RNF41: variants seen among roughly 807,000 people sequenced by gnomAD.
RNF41 encodes the protein ring finger protein 41.
In RNF41, 4 loss-of-function variants were observed where a neutral mutation model predicts 33.0. The ratio of observed to expected loss-of-function variants is 0.12; its 90% CI spans 0.06 to 0.28. The LOEUF is 0.28. Among genes scored for constraint, RNF41 ranks in the 10% least tolerant of loss-of-function variants. The probability of loss-of-function intolerance (pLI) is 1.00; values close to 1 mark genes in which losing one functional copy is unlikely to be tolerated. For missense variants in RNF41, 228 were observed against 432.6 expected (o/e 0.53, Z 4.19); for synonymous variants, 164 against 153.2 (o/e 1.07, Z -0.52).
At chr12:56,211,570 A>G (rs1395728597) in intron 3 of RNF41, among the ~76,000 whole-genome samples, 2 of 152,154 alleles carry the variant, frequency 1.3e-5, no homozygotes, top group African/African-American at 4.8e-5. Flanking sequence ...GGCTAGCTCA[A>G]TCACGGCAGG....
chr12:56,220,159 A>C (rs1869254160), intron 1 of RNF41, among the ~76,000 whole-genome samples: 1 of 152,104 alleles, frequency 6.6e-6, no homozygotes, highest in African/African-American at 2.4e-5. Flanking sequence ...TAATCCTAGC[A>C]CTTTGGGAAG....
At chr12:56,220,018 AAAATAAATAAATAAAT>A (rs60851148) in intron 1 of RNF41, among the ~76,000 whole-genome samples, 11 of 139,298 alleles carry the variant, frequency 7.9e-5, no homozygotes, top group East Asian at 2.2e-4. Flanking sequence ...CCCTGTCTCA[AAAATAAATAAATAAAT>A]AAATAAATAA....
At position 56,206,556 on chromosome 12, in the gene RNF41, C is replaced by T; in HGVS notation, c.845G>A (p.Gly282Asp). 1 of 1,614,208 alleles carries T rather than the reference C, an allele frequency of 6.2e-7. No homozygotes were observed. Among genetic ancestry groups the T allele is most frequent in the African/African-American group, 1.3e-5 (1 of 75,044 alleles). The stretch of plus-strand genomic sequence containing the variant: ...GGCCATCACGACAACAGCCTGCTTG[C>T]CAGGGATGCGCTTGGCCACGTAGTT... ...YENYVAKRIP[G>D]KQAVVVMACE... Residue 282 changes from glycine to aspartate, a missense_variant, in exon 7 of 7, where the codon GGC becomes GAC. Physicochemically the swap from Gly to Asp is moderately conservative, Grantham distance 94. Coordinates refer to ENST00000345093, the MANE Select transcript of RNF41 (RefSeq NM_005785.4). This position sits in a 1 kb window ranked among gnomAD's most constrained non-coding sequence, Gnocchi z 5.7.
intron 1 of RNF41, among the ~76,000 whole-genome samples, chr12:56,218,758 C>CA (rs1869108317): frequency 1.3e-5 from 2 of 150,806 alleles, no homozygotes; most frequent in South Asian, 4.2e-4. Flanking sequence ...GGCTGGAGTA[C>CA]AGTGGCACGA....
At chr12:56,214,704 C>T (rs1868739432) in intron 2 of RNF41, among the ~76,000 whole-genome samples, 1 of 151,576 alleles carries the variant, frequency 6.6e-6, no homozygotes, top group Non-Finnish European at 1.5e-5. Context: ...TGATGCACAT[C>T]TGTAATCCCA....
chr12:56,219,980 G>A (rs1467403195), intron 1 of RNF41, among the ~76,000 whole-genome samples: 3 of 151,120 alleles, frequency 2.0e-5, no homozygotes, highest in South Asian at 2.1e-4. Context: ...TCGCAGCACC[G>A]CACTCCGGCC....
intron 1 of RNF41, among the ~76,000 whole-genome samples, chr12:56,218,695 TTATATATA>T (rs746125373): frequency 6.7e-6 from 1 of 148,226 alleles, no homozygotes; most frequent in Non-Finnish European, 1.5e-5. Context: ...TACATATTTA[TTATATATA>T]TATATGTTAT....
intron 3 of RNF41, among the ~76,000 whole-genome samples, chr12:56,210,826 A>T (rs546072297): frequency 6.6e-6 from 1 of 152,128 alleles, no homozygotes; most frequent in African/African-American, 2.4e-5. Flanking sequence ...ACACTGCTTG[A>T]CCTCAGGAGT....
Position 56,202,746 on chromosome 12 carries a change from C to T in RNF41, c.*3701G>A, listed in dbSNP as rs1878643796. The T allele has an allele frequency of 6.6e-6, 1 of 152,200 alleles. No homozygotes were observed. Among genetic ancestry groups the T allele is most frequent in the African/African-American group, 2.4e-5 (1 of 41,456 alleles). 9.4% of individuals were successfully genotyped at this position (152,200 alleles called of 1,614,324 possible). On this transcript the variant is annotated 3_prime_UTR_variant, in exon 7 of 7. Coordinates refer to ENST00000345093, the MANE Select transcript of RNF41 (RefSeq NM_005785.4). The stretch of plus-strand genomic sequence containing the variant: ...TCTCCATTAGGGACTAAGTTCTTTG[C>T]AGGTAGGTGCCATTTTGCTACATAA...
chr12:56,206,281 G>C lies in RNF41; in HGVS notation c.*166C>G. 1 of 650,108 alleles carries C rather than the reference G, an allele frequency of 1.5e-6. No homozygotes were observed. Among genetic ancestry groups the C allele is most frequent in the Non-Finnish European group, 2.7e-6 (1 of 374,726 alleles). 40.3% of individuals were successfully genotyped at this position (650,108 alleles called of 1,614,324 possible). A position where few individuals can be genotyped will look rare whatever the true frequency, so the allele number is the denominator to read the frequency against. On this transcript the variant is annotated 3_prime_UTR_variant, in exon 7 of 7. Transcript: ENST00000345093. This position sits in a 1 kb window ranked among gnomAD's most constrained non-coding sequence, Gnocchi z 5.7. Reference sequence around the variant, plus strand: ...GGAAATCTGGGTTTCCCACCTGAAAGGCTGAGCAAACTACCCCAAGGCCCT... The same window carrying C: ...GGAAATCTGGGTTTCCCACCTGAAACGCTGAGCAAACTACCCCAAGGCCCT...
At chr12:56,221,941 A>G (rs1362569990), upstream of RNF41, 1 of 152,296 alleles carries the variant, frequency 6.6e-6, no homozygotes, top group Non-Finnish European at 1.5e-5. Flanking sequence ...TGCCCCGCCC[A>G]CCGCTGCTAC....
chr12:56,211,875 G>A (rs1421922199), intron 3 of RNF41, among the ~76,000 whole-genome samples: 2 of 152,328 alleles, frequency 1.3e-5, no homozygotes, highest in Non-Finnish European at 2.9e-5. Flanking sequence ...AGGAGGCTGA[G>A]GCAGAAGAAT....
At chr12:56,207,183 C>G in intron 6 of RNF41, 1 of 1,326,690 alleles carries the variant, frequency 7.5e-7, no homozygotes, top group South Asian at 1.2e-5. Context: ...ACTCTATGAA[C>G]TGTATAGGAC....
chr12:56,209,992 G>C (rs1868367306), intron 4 of RNF41: 1 of 371,874 alleles, frequency 2.7e-6, no homozygotes, highest in Non-Finnish European at 5.0e-6. Context: ...AATTATAGCA[G>C]TCAACCTGAC....
At position 56,205,417 on chromosome 12, in the gene RNF41, A is replaced by G. The variant is rs1184466218; in HGVS notation, c.*1030T>C. On this transcript the variant is annotated 3_prime_UTR_variant, in exon 7 of 7. Transcript: ENST00000345093. The stretch of plus-strand genomic sequence containing the variant: ...CCCCCATCCCTGTCCCACCCTATCC[A>G]GAACCCCCACAATAGGAACATCAAA... The G allele has an allele frequency of 6.6e-6, 1 of 151,902 alleles. No homozygotes were observed. The highest frequency in any genetic ancestry group is 1.5e-5 in the Non-Finnish European group (1 of 67,974). The allele number at this position is 151,902 out of a possible 1,614,324, so 9.4% of individuals were successfully genotyped here.
Position 56,206,045 on chromosome 12 carries a change from C to T in RNF41, c.*402G>A. 1 of 179,506 alleles carries T rather than the reference C, an allele frequency of 5.6e-6. No individual in the cohort carries two copies. Among genetic ancestry groups the T allele is most frequent in the East Asian group, 1.4e-4 (1 of 6,912 alleles). The allele number at this position is 179,506 out of a possible 1,614,324, so 11.1% of individuals were successfully genotyped here. On this transcript the variant is annotated 3_prime_UTR_variant, in exon 7 of 7. Coordinates refer to ENST00000345093, the MANE Select transcript of RNF41 (RefSeq NM_005785.4). The surrounding 1 kb of genome is among the most constrained non-coding windows in gnomAD (Gnocchi z 5.7). The stretch of plus-strand genomic sequence containing the variant: ...CAGGATGTCTGCTGCTTAGAGTCAA[C>T]AGGCCTGACTGCTCTGATTCCCTGG...
intron 3 of RNF41, chr12:56,212,912 T>C: frequency 2.0e-6 from 2 of 982,332 alleles, no homozygotes; most frequent in Non-Finnish European, 2.8e-6. Context: ...AATTGGTATT[T>C]ACAGAATGAG....
chr12:56,213,041 A>T, intron 3 of RNF41: 2 of 1,289,742 alleles, frequency 1.6e-6, no homozygotes, highest in Non-Finnish European at 1.0e-6. Flanking sequence ...GGATGATACA[A>T]CTGACTCTGG....
Position 56,206,903 on chromosome 12 carries a change from A to G in RNF41, c.603-105T>C, listed in dbSNP as rs1352073105. ...TACCCACTCTGCACTCAGCTTACCT[A>G]TTCTTCCTTCTTTCCTTCCATCATT... On this transcript the variant is annotated intron_variant, in intron 6 of 6. Transcript: ENST00000345093. This position sits in a 1 kb window ranked among gnomAD's most constrained non-coding sequence, Gnocchi z 5.7. 3 of 962,822 alleles carry G rather than the reference A, an allele frequency of 3.1e-6. No individual in the cohort carries two copies. Among genetic ancestry groups the G allele is most frequent in the Admixed American group, 5.8e-5 (2 of 34,340 alleles). 59.6% of individuals were successfully genotyped at this position (962,822 alleles called of 1,614,324 possible). A position where few individuals can be genotyped will look rare whatever the true frequency, so the allele number is the denominator to read the frequency against.
Sources: allele counts gnomAD v4.1 joint callset (sites outside exome capture counted in the v4.1 genomes callset), GRCh38; gene constraint gnomAD v4.1.1; non-coding constraint Gnocchi (gnomAD v3.1); transcripts MANE v1.5; gene names NCBI Gene and HGNC (gene_info 2026-07-23, HGNC 2026-07-21).